The following EGFR variants were observed in gnomAD, a reference collection of about 807,000 sequenced individuals.
EGFR encodes avian erythroblastic leukemia viral (v-erb-b) oncogene homolog.
Under a neutral mutation model 143.0 loss-of-function variants are expected in EGFR, and 58 were observed. That is an observed-to-expected ratio of 0.41 (90% CI 0.33 to 0.50). The LOEUF is 0.50. Ranked by LOEUF, EGFR falls within the 20% of genes least tolerant of loss-of-function variation. The pLI is 0.39. For synonymous variants in EGFR, 613 were observed against 594.4 expected, an observed-to-expected ratio of 1.03 and a Z score of -0.45; for missense variants, 1,307 against 1,579.0, an observed-to-expected ratio of 0.83 and a Z score of 2.92.
At position 55,019,358 on chromosome 7, in the gene EGFR, A is replaced by G. The variant is rs2128853538; in HGVS notation, c.81A>G (p.Glu27=). The G allele has an allele frequency of 6.6e-7, 1 of 1,507,846 alleles. No homozygotes were observed. The highest frequency in any genetic ancestry group is 8.9e-7 in the Non-Finnish European group (1 of 1,122,218). The allele number at this position is 1,507,846 out of a possible 1,614,324, so 93.4% of individuals were successfully genotyped here. Residue 27 remains glutamate (E), a synonymous_variant, in exon 1 of 28, where the codon GAA becomes GAG. Coordinates refer to ENST00000275493, the MANE Select transcript of EGFR (RefSeq NM_005228.5). ...ALCPASRALE[E]KKVCQGTSNK... ...GCCCGGCGAGTCGGGCTCTGGAGGA[A>G]AAGAAAGGTAAGGGCGTGTCTCGCC...
intron 5 of EGFR, chr7:55,152,216 G>A (rs41364648): frequency 1.1e-5 from 5 of 469,046 alleles, no homozygotes; most frequent in Admixed American, 2.7e-5. Flanking sequence ...ATTGTGGGGG[G>A]GCTGTTAGGC....
intron 1 of EGFR, among the ~76,000 whole-genome samples, chr7:55,056,494 C>T (rs111475869): frequency 5.9e-4 from 90 of 152,322 alleles, no homozygotes; most frequent in African/African-American, 2.0e-3. Context: ...ACTGCGGTTC[C>T]CATTTCACAT....
At chr7:55,073,663 C>G (rs567187821) in intron 1 of EGFR, among the ~76,000 whole-genome samples, 28 of 152,222 alleles carry the variant, frequency 1.8e-4, no homozygotes, top group Non-Finnish European at 3.5e-4. Context: ...CCATGTGTCC[C>G]ATGAGGAAAC....
chr7:55,201,600 C>A (rs2128972257), intron 25 of EGFR, 135 bp from the exon 26 acceptor site: 1 of 1,281,310 alleles, frequency 7.8e-7, no homozygotes, highest in South Asian at 1.2e-5. Context: ...CCTAGTTGCT[C>A]TAAAACTAAC....
chr7:55,087,278 AAAAAAC>A (rs958177632), intron 1 of EGFR, among the ~76,000 whole-genome samples: 6 of 137,516 alleles, frequency 4.4e-5, no homozygotes, highest in East Asian at 2.0e-4. Context: ...ATTGTTAAAA[AAAAAAC>A]AAAAAAAAAA....
chr7:55,170,212 G>T, intron 15 of EGFR: 1 of 1,605,924 alleles, frequency 6.2e-7, no homozygotes, highest in Non-Finnish European at 8.5e-7. Flanking sequence ...GACCTGGAGA[G>T]CAGAGATAGA....
chr7:55,173,473 T>C (rs1786451877), intron 17 of EGFR, among the ~76,000 whole-genome samples: 1 of 152,204 alleles, frequency 6.6e-6, no homozygotes, highest in Admixed American at 6.5e-5. Context: ...GAAAACACCA[T>C]TGTCCACACA....
chr7:55,144,593 G>A (rs774629889), intron 3 of EGFR, among the ~76,000 whole-genome samples: 2 of 152,226 alleles, frequency 1.3e-5, no homozygotes, highest in Non-Finnish European at 2.9e-5. Context: ...CTCTGGTCAT[G>A]GCTCCTCAGT....
Position 55,146,870 on chromosome 7 carries a change from ATC to A in EGFR, c.559+132_559+133del, listed in dbSNP as rs1400065105. ...AGAAACAAAAAGTAGTAAGCAAAAT[ATC>A]TGACCACTAGAAAAGCATGTATTTA... On this transcript the variant is annotated intron_variant, in intron 4 of 27. Coordinates refer to ENST00000275493, the MANE Select transcript of EGFR (RefSeq NM_005228.5). 1.5e-5 allele frequency: 20 copies of A among 1,294,002 alleles called. No individual in the cohort carries two copies. In the East Asian group the frequency reaches 4.7e-4, roughly 31 times the overall value. The allele number at this position is 1,294,002 out of a possible 1,614,324, so 80.2% of individuals were successfully genotyped here. A position where few individuals can be genotyped will look rare whatever the true frequency, so the allele number is the denominator to read the frequency against.
chr7:55,068,930 C>T (rs1357422190), intron 1 of EGFR, among the ~76,000 whole-genome samples: 1 of 152,156 alleles, frequency 6.6e-6, no homozygotes, highest in Non-Finnish European at 1.5e-5. Flanking sequence ...AGGGAAAAGG[C>T]ATCTGGTCAT....
At chr7:55,146,355 T>C (rs1333879226) in intron 3 of EGFR, among the ~76,000 whole-genome samples, 2 of 151,952 alleles carry the variant, frequency 1.3e-5, no homozygotes, top group African/African-American at 4.8e-5. Flanking sequence ...TTCTCTTCCT[T>C]CCTCCCCATA....
chr7:55,136,025 A>G (rs890314602), intron 1 of EGFR, among the ~76,000 whole-genome samples: 1 of 152,240 alleles, frequency 6.6e-6, no homozygotes. Flanking sequence ...TACCATTCAG[A>G]AAAGGTCATT....
In EGFR at chr7:55,051,443, G is replaced by C. The variant is rs549516139; in HGVS notation, c.88+32078G>C. On this transcript the variant is annotated intron_variant, in intron 1 of 27. Transcript: ENST00000275493. The stretch of plus-strand genomic sequence containing the variant: ...GTGAGAGTGGGCTTGTTAGAAAATT[G>C]AGTGCAGCCCCCTCTTGCTTGCTGG... Among the ~76,000 whole-genome samples, 224 of 152,058 alleles carry C rather than the reference G, an allele frequency of 1.5e-3. 2 individuals are homozygous for C. The highest frequency in any genetic ancestry group is 7.5e-3 in the South Asian group (36 of 4,806).
chr7:55,095,400 C>T (rs1401449478), intron 1 of EGFR, among the ~76,000 whole-genome samples: 3 of 152,234 alleles, frequency 2.0e-5, no homozygotes, highest in Non-Finnish European at 4.4e-5. Flanking sequence ...TTTGCCTTCT[C>T]ACAGGCAGGC....
chr7:55,174,521 G>C (rs1786502880), intron 18 of EGFR, among the ~76,000 whole-genome samples: 4 of 152,234 alleles, frequency 2.6e-5, no homozygotes, highest in African/African-American at 9.6e-5. Flanking sequence ...TAAATAATCA[G>C]TGTGATTCGT....
At chr7:55,149,544 A>G (rs1794928600) in intron 4 of EGFR, among the ~76,000 whole-genome samples, 1 of 152,216 alleles carries the variant, frequency 6.6e-6, no homozygotes, top group South Asian at 2.1e-4. Flanking sequence ...GGTGTCGAGA[A>G]ACAGAAATTC....
At chr7:55,066,828 GT>G (rs1789534406) in intron 1 of EGFR, among the ~76,000 whole-genome samples, 1 of 152,204 alleles carries the variant, frequency 6.6e-6, no homozygotes, top group African/African-American at 2.4e-5. Context: ...AGTCTTTGAT[GT>G]GTGCATTTCT....
intron 1 of EGFR, among the ~76,000 whole-genome samples, chr7:55,047,330 A>G (rs1008936758): frequency 3.9e-5 from 6 of 152,250 alleles, no homozygotes; most frequent in Non-Finnish European, 1.5e-5. Flanking sequence ...TTACTGGAGT[A>G]TTGTTATGCA....
intron 27 of EGFR, among the ~76,000 whole-genome samples, chr7:55,204,300 A>G (rs1057001104): frequency 4.5e-4 from 66 of 147,366 alleles, no homozygotes; most frequent in African/African-American, 1.6e-3. Flanking sequence ...CACACCACAC[A>G]TGTACACACG....
Sources: allele counts gnomAD v4.1 joint callset (sites outside exome capture counted in the v4.1 genomes callset), GRCh38; gene constraint gnomAD v4.1.1; transcripts MANE v1.5; gene names NCBI Gene and HGNC (gene_info 2026-07-23, HGNC 2026-07-21).